Variants in FMNL2 observed in about 807,000 individuals in gnomAD.
The protein encoded by FMNL2 is formin like 2.
In FMNL2, 51 loss-of-function variants were observed where a neutral mutation model predicts 130.2. The ratio of observed to expected loss-of-function variants is 0.39; its 90% CI spans 0.31 to 0.49. The LOEUF is 0.49. FMNL2 is among the 20% of genes least tolerant of loss of function. The pLI, the probability that FMNL2 is intolerant of heterozygous loss-of-function variation, is 0.85. For synonymous variants in FMNL2, 465 were observed against 467.1 expected (o/e 1.00, Z 0.06); for missense variants, 977 against 1,316.2 (o/e 0.74, Z 3.99).
At chr2:152,356,947 G>A (rs201638438) in intron 1 of FMNL2, among the ~76,000 whole-genome samples, 4 of 99,638 alleles carry the variant, frequency 4.0e-5, no homozygotes, top group South Asian at 3.3e-4. Flanking sequence ...TATATATTAA[G>A]TAATATATAT....
intron 1 of FMNL2, among the ~76,000 whole-genome samples, chr2:152,485,206 T>A (rs1425578696): frequency 6.6e-6 from 1 of 152,064 alleles, no homozygotes; most frequent in Admixed American, 6.6e-5. Context: ...AAATTAGCCA[T>A]GCATGGCCGG....
At chr2:152,600,803 G>T (rs1199039565) in intron 9 of FMNL2, among the ~76,000 whole-genome samples, 1 of 151,496 alleles carries the variant, frequency 6.6e-6, no homozygotes, top group African/African-American at 2.4e-5. Context: ...TGCTTGTCCT[G>T]GGAGTGGCCC....
At chr2:152,616,079 T>G (rs1698929787) in intron 12 of FMNL2, among the ~76,000 whole-genome samples, 1 of 152,204 alleles carries the variant, frequency 6.6e-6, no homozygotes, top group Non-Finnish European at 1.5e-5. Context: ...ATCTCCACTC[T>G]TCCTCCTTAC....
At chr2:152,537,375 A>AGGGTAGGG (rs1194197836) in intron 2 of FMNL2, among the ~76,000 whole-genome samples, 1 of 152,218 alleles carries the variant, frequency 6.6e-6, no homozygotes, top group East Asian at 1.9e-4. Context: ...CGTTCCAGGC[A>AGGGTAGGG]ACCAGTAGGG....
At chr2:152,644,953 T>C (rs1020608248) in intron 25 of FMNL2, among the ~76,000 whole-genome samples, 6 of 152,222 alleles carry the variant, frequency 3.9e-5, no homozygotes, top group Non-Finnish European at 7.3e-5. Context: ...AAACACATAC[T>C]CTAATTGGAC....
intron 9 of FMNL2, among the ~76,000 whole-genome samples, chr2:152,585,652 T>G (rs888070659): frequency 1.6e-4 from 24 of 152,084 alleles, no homozygotes; most frequent in African/African-American, 5.3e-4. Context: ...GGGGTTCTGG[T>G]CATGCTTTTT....
At chr2:152,519,585 G>A (rs1692964815) in intron 1 of FMNL2, among the ~76,000 whole-genome samples, 1 of 152,144 alleles carries the variant, frequency 6.6e-6, no homozygotes. Flanking sequence ...AAAAAAGCTT[G>A]GTGGCATATT....
At chr2:152,460,981 C>T (rs1432930547) in intron 1 of FMNL2, among the ~76,000 whole-genome samples, 2 of 152,160 alleles carry the variant, frequency 1.3e-5, no homozygotes, top group Non-Finnish European at 2.9e-5. Context: ...AACCATCTCC[C>T]CCTTGCCTCC....
intron 20 of FMNL2, among the ~76,000 whole-genome samples, chr2:152,631,346 T>C (rs1453722351): frequency 7.1e-6 from 1 of 140,784 alleles, no homozygotes; most frequent in African/African-American, 2.7e-5. Context: ...TGAGCCAAGA[T>C]TGTGCCACTG....
intron 1 of FMNL2, among the ~76,000 whole-genome samples, chr2:152,452,789 G>A (rs148214252): frequency 1.0e-3 from 159 of 152,300 alleles, no homozygotes; most frequent in Middle Eastern, 3.4e-3. Flanking sequence ...TGTCGATGGG[G>A]AGGGCTGTCG....
intron 2 of FMNL2, among the ~76,000 whole-genome samples, chr2:152,530,478 G>A (rs1186614005): frequency 6.6e-6 from 1 of 152,102 alleles, no homozygotes; most frequent in Non-Finnish European, 1.5e-5. Flanking sequence ...GTTTAAAAAA[G>A]TTTTTTGAGA....
At chr2:152,424,800 A>G (rs973844828) in intron 1 of FMNL2, among the ~76,000 whole-genome samples, 2 of 152,204 alleles carry the variant, frequency 1.3e-5, no homozygotes, top group East Asian at 3.8e-4. Flanking sequence ...GAAGATGCTC[A>G]AGAGGGAATC....
chr2:152,450,382 TGG>T (rs1419341358), intron 1 of FMNL2, among the ~76,000 whole-genome samples: 12 of 152,320 alleles, frequency 7.9e-5, no homozygotes, highest in South Asian at 6.2e-4. Context: ...CAGTGTTCCG[TGG>T]AGCGTGGAGA....
intron 1 of FMNL2, among the ~76,000 whole-genome samples, chr2:152,460,925 T>C (rs1011486075): frequency 6.6e-6 from 1 of 152,162 alleles, no homozygotes; most frequent in African/African-American, 2.4e-5. Flanking sequence ...GTAATAATAA[T>C]AGAAATAAAG....
intron 1 of FMNL2, among the ~76,000 whole-genome samples, chr2:152,465,677 G>C (rs1689493587): frequency 6.6e-6 from 1 of 152,208 alleles, no homozygotes; most frequent in Non-Finnish European, 1.5e-5. Flanking sequence ...ATAAGTAGGG[G>C]AACAGAAGGC....
chr2:152,418,065 C>T (rs970040370), intron 1 of FMNL2, among the ~76,000 whole-genome samples: 9 of 151,994 alleles, frequency 5.9e-5, no homozygotes, highest in Non-Finnish European at 8.8e-5. Context: ...AGGGTGGTCT[C>T]GAACTCCTGA....
chr2:152,535,273 G>T (rs778627721), intron 2 of FMNL2, among the ~76,000 whole-genome samples: 7 of 152,118 alleles, frequency 4.6e-5, no homozygotes, highest in Non-Finnish European at 1.5e-5. Context: ...TTGTTCCCAT[G>T]TTCCTGATCT....
chr2:152,593,487 C>T (rs999921563), intron 9 of FMNL2, among the ~76,000 whole-genome samples: 1 of 152,066 alleles, frequency 6.6e-6, no homozygotes, highest in African/African-American at 2.4e-5. Flanking sequence ...GTCTGGAAGA[C>T]AGGTGGTTCA....
At chr2:152,378,955 A>T (rs1339971158) in intron 1 of FMNL2, among the ~76,000 whole-genome samples, 1 of 118,390 alleles carries the variant, frequency 8.4e-6, no homozygotes, top group African/African-American at 3.1e-5. Context: ...ATTGAGAGGG[A>T]TGGCTAGAGA....
Sources: gnomAD v4.1 joint callset for allele counts (sites outside exome capture counted in the v4.1 genomes callset) on GRCh38, gnomAD v4.1.1 for gene constraint, MANE v1.5 for transcripts, NCBI Gene and HGNC (gene_info 2026-07-23, HGNC 2026-07-21) for gene names.